Variants in PPAN observed in about 807,000 individuals in gnomAD.
The protein encoded by PPAN is suppressor of SWI4 1 homolog.
In PPAN, 39 loss-of-function variants were observed where a neutral mutation model predicts 48.5. That is an observed-to-expected ratio of 0.80 (90% confidence interval 0.62 to 1.05). The LOEUF is 1.05. Among genes scored for constraint, PPAN ranks in the 50% least tolerant of loss-of-function variants. The pLI, the probability that PPAN is intolerant of heterozygous loss-of-function variation, is 0.00. For missense variants in PPAN, 736 were observed against 661.7 expected (o/e 1.11, Z -1.23); for synonymous variants, 315 against 268.6 (o/e 1.17, Z -1.69).
rs2089036396 is a variant in PPAN at position 10,110,894 on chromosome 19, C to T, written c.1201+28C>T. ...ATGGAGTGGGGTCTGCAGCAGGGCA[C>T]CCAGAGCCTGTCCTTGTCTCTGGGG... On this transcript the variant is annotated intron_variant, in intron 11 of 11. Transcript: ENST00000253107. This position sits in a 1 kb window ranked among gnomAD's most constrained non-coding sequence, Gnocchi z 5.9. 13 of 1,613,172 alleles carry T rather than the reference C, an allele frequency of 8.1e-6. No homozygotes were observed. Among genetic ancestry groups the T allele is most frequent in the Non-Finnish European group, 1.0e-5 (12 of 1,179,858 alleles).
At chr19:10,106,223 G>A (rs2088816363), upstream of PPAN, 5 of 1,202,706 alleles carry the variant, frequency 4.2e-6, no homozygotes, top group South Asian at 1.6e-5. Flanking sequence ...ACAGGCACCC[G>A]TGTCTCCATA....
rs2089042937 is a variant in PPAN at position 10,110,983 on chromosome 19, T to A, written c.1240T>A (p.Ser414Thr). 2 of 1,612,942 alleles carry A rather than the reference T, an allele frequency of 1.2e-6. No individual in the cohort carries two copies. The highest frequency in any genetic ancestry group is 1.7e-6 in the Non-Finnish European group (2 of 1,179,876). ...GGCCAAGCAGAAACGGCTTGCCAAG[T>A]CTCCAGGGCGGAAGCGGAAGCGGTG... ...PEAKQKRLAK[S>T]PGRKRKRWEM... Residue 414 changes from serine (S) to threonine (T), a missense_variant, in exon 12 of 12, where the codon TCT (serine) becomes ACT (threonine). Transcript: ENST00000253107. The surrounding 1 kb of genome is among the most constrained non-coding windows in gnomAD (Gnocchi z 5.9).
In PPAN at chr19:10,111,752, G is replaced by C. The variant is rs771653427; in HGVS notation, c.*587G>C. On this transcript the variant is annotated 3_prime_UTR_variant, in exon 12 of 12. Coordinates refer to ENST00000253107, the MANE Select transcript of PPAN (RefSeq NM_020230.7). ...AGCCAACGTCTCGGGTAAGGAGAAG[G>C]CATGTTGGCTGTCTCTGGGGGTCTG... 6.2e-7 allele frequency: 1 copy of C among 1,613,352 alleles called. No individual in the cohort carries two copies. The highest frequency in any genetic ancestry group is 1.3e-5 in the African/African-American group (1 of 74,868).
Position 10,111,624 on chromosome 19 carries a change from G to A in PPAN, c.*459G>A, listed in dbSNP as rs2089080430. On this transcript the variant is annotated 3_prime_UTR_variant, in exon 12 of 12. Coordinates refer to ENST00000253107, the MANE Select transcript of PPAN (RefSeq NM_020230.7). ...TGCTCTGCTGGCTGGGCCAGTAACT[G>A]GGGATGGGGCTGGGGCAGGGCCCAC... The A allele has an allele frequency of 1.0e-5, 15 of 1,501,280 alleles. No individual in the cohort carries two copies. The Admixed American group carries it at 2.0e-4, about 20-fold the overall frequency. The allele number at this position is 1,501,280 out of a possible 1,614,324, so 93.0% of individuals were successfully genotyped here.
chr19:10,107,797 C>G lies in PPAN; in HGVS notation c.292-7C>G. 1 of 1,613,476 alleles carries G rather than the reference C, an allele frequency of 6.2e-7. No individual in the cohort carries two copies. The highest frequency in any genetic ancestry group is 1.7e-5 in the Admixed American group (1 of 60,020). On this transcript the variant is annotated splice_polypyrimidine_tract_variant and splice_region_variant and intron_variant, in intron 3 of 11. Transcript: ENST00000253107. Reference sequence around the variant, plus strand: ...TCCAGAGTCACTGATCTTTTCTTCTCCTGCAGAAGCTGATGCGCCTCCCAG... The same window carrying G: ...TCCAGAGTCACTGATCTTTTCTTCTGCTGCAGAAGCTGATGCGCCTCCCAG...
rs748544297 is a variant in PPAN at position 10,108,119 on chromosome 19, C to T, written c.498C>T (p.Ser166=). The T allele has an allele frequency of 2.0e-5, 33 of 1,610,946 alleles. No homozygotes were observed. The highest frequency in any genetic ancestry group is 2.5e-5 in the Non-Finnish European group (30 of 1,178,238). The change falls in exon 5 of 12, where the codon TCC becomes TCT. Residue 166 remains serine (S), a synonymous_variant. Transcript: ENST00000253107. ...MATMFQNLFP[S]INVHKVNLNT... ...CCATGTTCCAGAACCTGTTCCCCTCCATCAACGTGCACAAGGTGGGTCTGG... is the reference window on the plus strand; with the variant it reads ...CCATGTTCCAGAACCTGTTCCCCTCTATCAACGTGCACAAGGTGGGTCTGG...
Position 10,111,680 on chromosome 19 carries a change from G to A in PPAN, c.*515G>A. 1 of 1,613,548 alleles carries A rather than the reference G, an allele frequency of 6.2e-7. No homozygotes were observed. Among genetic ancestry groups the A allele is most frequent in the Non-Finnish European group, 8.5e-7 (1 of 1,179,850 alleles). ...CACTGGTGACTGGGGGAGGGGCTGG[G>A]GAACTGGGTAGCAGACACAGGCTGA... On this transcript the variant is annotated 3_prime_UTR_variant, in exon 12 of 12. Transcript: ENST00000253107.
In PPAN at chr19:10,111,650, T is replaced by C; in HGVS notation, c.*485T>C. 6.3e-7 allele frequency: 1 copy of C among 1,596,320 alleles called. No homozygotes were observed. The highest frequency in any genetic ancestry group is 1.1e-5 in the South Asian group (1 of 90,622). ...GGGATGGGGCTGGGGCAGGGCCCAC[T>C]AAGCCACTGGTGACTGGGGGAGGGG... On this transcript the variant is annotated 3_prime_UTR_variant, in exon 12 of 12. Coordinates refer to ENST00000253107, the MANE Select transcript of PPAN (RefSeq NM_020230.7).
rs1276653627 is a variant in PPAN at position 10,106,393 on chromosome 19, G to C, written c.-2G>C. 6 of 1,549,792 alleles carry C rather than the reference G, an allele frequency of 3.9e-6. No individual in the cohort carries two copies. The highest frequency in any genetic ancestry group is 4.4e-6 in the Non-Finnish European group (5 of 1,145,974). On this transcript the variant is annotated 5_prime_UTR_variant, in exon 1 of 12. Transcript: ENST00000253107. ...AGGAGGCCTCGTGGAGGACACAGCAGCATGGGACAGTCAGGGAGGGTAAGG... is the reference window on the plus strand; with the variant it reads ...AGGAGGCCTCGTGGAGGACACAGCACCATGGGACAGTCAGGGAGGGTAAGG...
In PPAN at chr19:10,106,455, C is replaced by T. The variant is rs1002304897; in HGVS notation, c.18+43C>T. On this transcript the variant is annotated intron_variant, in intron 1 of 11. Coordinates refer to ENST00000253107, the MANE Select transcript of PPAN (RefSeq NM_020230.7). ...GGGAGGCAGGTGGCGCAGGTGGGGTCCCGGCCGAGGTCGCGGCGCTGACCC... is the reference window on the plus strand; with the variant it reads ...GGGAGGCAGGTGGCGCAGGTGGGGTTCCGGCCGAGGTCGCGGCGCTGACCC... The T allele has an allele frequency of 2.6e-6, 4 of 1,547,016 alleles. No individual in the cohort carries two copies. The African/African-American group carries it at 4.1e-5, about 16-fold the overall frequency.
chr19:10,107,309 G>T (rs1290937890), intron 2 of PPAN, among the ~76,000 whole-genome samples, 196 bp from the exon 3 acceptor site: 1 of 152,186 alleles, frequency 6.6e-6, no homozygotes, highest in Non-Finnish European at 1.5e-5. Context: ...ATGGGAAGAT[G>T]CGCTGTGAGC....
intron 5 of PPAN, among the ~76,000 whole-genome samples, 193 bp from the exon 6 acceptor site, chr19:10,109,438 G>C (rs1186529120): frequency 6.6e-6 from 1 of 152,138 alleles, no homozygotes; most frequent in African/African-American, 2.4e-5. Flanking sequence ...TGCCCAGGCT[G>C]GTTTTGAACT....
At chr19:10,109,522 T>A (rs1170701868) in intron 5 of PPAN, 109 bp from the exon 6 acceptor site, 2 of 1,297,518 alleles carry the variant, frequency 1.5e-6, no homozygotes, top group East Asian at 2.4e-5. Flanking sequence ...GAAGCAGCAT[T>A]TCTAGCCAGT....
Position 10,110,782 on chromosome 19 carries a change from C to T in PPAN, c.1117C>T (p.Leu373=). 1 of 1,613,978 alleles carries T rather than the reference C, an allele frequency of 6.2e-7. No homozygotes were observed. The highest frequency in any genetic ancestry group is 8.5e-7 in the Non-Finnish European group (1 of 1,179,982). The change falls in exon 11 of 12, where the codon CTG becomes TTG. Residue 373 remains leucine, a synonymous_variant. Coordinates refer to ENST00000253107, the MANE Select transcript of PPAN (RefSeq NM_020230.7). This position sits in a 1 kb window ranked among gnomAD's most constrained non-coding sequence, Gnocchi z 5.9. ...TGGGATCCCTTCAAGGACGGCGAGC[C>T]TGGAGTTGGGTGAGGACGATGATGA... ...ASGIPSRTAS[L]ELGEDDDEQE...
Position 10,107,557 on chromosome 19 carries a change from G to T in PPAN, c.242G>T (p.Gly81Val), listed in dbSNP as rs751223941. 6.2e-7 allele frequency: 1 copy of T among 1,613,924 alleles called. No individual in the cohort carries two copies. The highest frequency in any genetic ancestry group is 2.2e-5 in the East Asian group (1 of 44,898). The change falls in exon 3 of 12, where the codon GGG (glycine) becomes GTG (valine). Residue 81 changes from glycine (G) to valine (V), a missense_variant. Gly to Val is a moderately radical substitution (Grantham distance 109). Transcript: ENST00000253107. Reference sequence around the variant, plus strand: ...TGCGTGGCAGTGGCTGGGCCCCTCGGGGTCACACACTTTCTGATCCTGAGC... The same window carrying T: ...TGCGTGGCAGTGGCTGGGCCCCTCGTGGTCACACACTTTCTGATCCTGAGC... ...KDCVAVAGPLGVTHFLILSKT... is the reference protein window; with the variant it reads ...KDCVAVAGPLVVTHFLILSKT...
chr19:10,111,847 C>G lies in PPAN; in HGVS notation c.*682C>G, dbSNP rs2089091051. ...AGGTCTGGGGCTGGGCACGGTGGCT[C>G]ACGCCTGTAATCCCAGCACTTTGGG... On this transcript the variant is annotated 3_prime_UTR_variant, in exon 12 of 12. Transcript: ENST00000253107. 3 of 1,343,326 alleles carry G rather than the reference C, an allele frequency of 2.2e-6. No homozygotes were observed. Among genetic ancestry groups the G allele is most frequent in the African/African-American group, 1.4e-5 (1 of 69,452 alleles). 83.2% of individuals were successfully genotyped at this position (1,343,326 alleles called of 1,614,324 possible). A position where few individuals can be genotyped will look rare whatever the true frequency, so the allele number is the denominator to read the frequency against.
At chr19:10,108,546 T>C (rs151329346) in intron 5 of PPAN, among the ~76,000 whole-genome samples, 4 of 151,938 alleles carry the variant, frequency 2.6e-5, no homozygotes, top group South Asian at 2.1e-4. Context: ...GCCAAGACTT[T>C]GAGATCAGCC....
chr19:10,107,490 T>C lies in PPAN; in HGVS notation c.190-15T>C. 1 of 1,612,554 alleles carries C rather than the reference T, an allele frequency of 6.2e-7. No individual in the cohort carries two copies. Among genetic ancestry groups the C allele is most frequent in the Non-Finnish European group, 8.5e-7 (1 of 1,179,948 alleles). ...GATAAGCTATGTTTTCTTTTTTTCT[T>C]TTTGTCATTTCCAGGTTCGTAAGAA... is the stretch of plus-strand genomic sequence containing the variant. On this transcript the variant is annotated splice_polypyrimidine_tract_variant and intron_variant, in intron 2 of 11. Coordinates refer to ENST00000253107, the MANE Select transcript of PPAN (RefSeq NM_020230.7).
chr19:10,109,774 C>T, intron 6 of PPAN, 67 bp downstream of exon 6: 1 of 1,592,068 alleles, frequency 6.3e-7, no homozygotes, highest in Non-Finnish European at 8.6e-7. Context: ...CGGCTGATGA[C>T]AGCACTTCTG....
Sources: allele counts gnomAD v4.1 joint callset (sites outside exome capture counted in the v4.1 genomes callset), GRCh38; gene constraint gnomAD v4.1.1; non-coding constraint Gnocchi (gnomAD v3.1); transcripts MANE v1.5; gene names NCBI Gene and HGNC (gene_info 2026-07-23, HGNC 2026-07-21).